COL4A6: variants seen among roughly 807,000 people sequenced by gnomAD.
COL4A6 encodes collagen alpha-6(IV) chain.
COL4A6 carries 59 observed loss-of-function variants against 126.7 expected under a neutral mutation model. The observed-to-expected ratio is 0.47, with a 90% confidence interval of 0.38 to 0.58. The LOEUF (loss-of-function observed/expected upper bound fraction) is 0.58. Ranked by LOEUF, COL4A6 falls within the 20% of genes least tolerant of loss-of-function variation. The pLI, the probability that COL4A6 is intolerant of heterozygous loss-of-function variation, is 0.00. For synonymous variants in COL4A6, 547 were observed against 496.6 expected, an observed-to-expected ratio of 1.10 and a Z score of -1.35; for missense variants, 1,285 against 1,337.3, an observed-to-expected ratio of 0.96 and a Z score of 0.61.
chrX:108,358,026 T>C, intron 2 of COL4A6, among the ~76,000 whole-genome samples: 2 of 111,813 alleles, frequency 1.8e-5, no homozygotes, highest in Middle Eastern at 4.6e-3. Flanking sequence ...AGGTTATTCT[T>C]GTATAATATC....
intron 3 of COL4A6, among the ~76,000 whole-genome samples, chrX:108,299,560 C>T (rs753559052): frequency 9.0e-6 from 1 of 111,705 alleles, no homozygotes; most frequent in East Asian, 2.8e-4. Context: ...ATCACTGACT[C>T]GTGTCAGCTC....
chrX:108,332,805 T>A (rs1448160388), intron 2 of COL4A6, among the ~76,000 whole-genome samples: 5 of 111,731 alleles, frequency 4.5e-5, no homozygotes, highest in Admixed American at 9.5e-5. Flanking sequence ...ACTCTGTCAA[T>A]TATTTCTTTT....
rs756604716 is a variant in COL4A6 at position 108,427,892 on chromosome X, A to G, written c.63+10050T>C. On this transcript the variant is annotated intron_variant, in intron 2 of 44. Coordinates refer to ENST00000334504, the MANE Select transcript of COL4A6 (RefSeq NM_033641.4). ...TTTGTGACCTTAGATAAATCAGTTA[A>G]TCTCTCTGGGATGAGAATATTTGTC... is the stretch of plus-strand genomic sequence containing the variant. 3.6e-5 allele frequency among the ~76,000 whole-genome samples: 4 copies of G among 112,201 alleles called. No homozygotes were observed. The Admixed American group carries it at 3.8e-4, about 11-fold the overall frequency.
chrX:108,432,143 G>C (rs1321656669), intron 2 of COL4A6, among the ~76,000 whole-genome samples: 1 of 112,136 alleles, frequency 8.9e-6, no homozygotes, highest in Non-Finnish European at 1.9e-5. Flanking sequence ...CAGTTATAAA[G>C]CTGGATGCAC....
At chrX:108,373,520 C>A (rs1925036298) in intron 2 of COL4A6, among the ~76,000 whole-genome samples, 1 of 111,517 alleles carries the variant, frequency 9.0e-6, no homozygotes, top group African/African-American at 3.3e-5. Flanking sequence ...GTGAAGTTTG[C>A]ATCAGGACTA....
chrX:108,161,048 C>T (rs192771085), intron 42 of COL4A6, among the ~76,000 whole-genome samples: 2 of 111,987 alleles, frequency 1.8e-5, no homozygotes, highest in African/African-American at 6.5e-5. Context: ...GCTGCTGAAT[C>T]AGAGTCATCG....
intron 13 of COL4A6, among the ~76,000 whole-genome samples, chrX:108,201,952 T>A (rs1375562224): frequency 1.8e-5 from 2 of 112,039 alleles, no homozygotes. Context: ...AAGATCTGGT[T>A]CCTACTTCTC....
At chrX:108,347,015 A>G (rs1488030935) in intron 2 of COL4A6, among the ~76,000 whole-genome samples, 1 of 112,281 alleles carries the variant, frequency 8.9e-6, no homozygotes, top group African/African-American at 3.2e-5. Flanking sequence ...TTGTATGGTT[A>G]TCATATACTT....
At chrX:108,309,854 G>A (rs185410132) in intron 3 of COL4A6, among the ~76,000 whole-genome samples, 399 of 88,620 alleles carry the variant, frequency 4.5e-3, no homozygotes, top group African/African-American at 0.016. Flanking sequence ...ACACACAGAT[G>A]GATCATCCCT....
At position 108,167,993 on chromosome X, in the gene COL4A6, C is replaced by CT. The variant is rs750290315; in HGVS notation, c.3691+1501dup. Among the ~76,000 whole-genome samples the CT allele has an allele frequency of 1.0e-3, 116 of 111,541 alleles. 5 individuals carry two copies. The East Asian group carries it at 0.032, about 30-fold the overall frequency. On this transcript the variant is annotated intron_variant, in intron 37 of 44. Transcript: ENST00000334504. ...TTCTTCAGTTTGACCATGTATATCT[C>CT]TAAACAATGTATTGGTTGGTTTCGC...
intron 2 of COL4A6, among the ~76,000 whole-genome samples, chrX:108,338,381 G>T (rs1239326670): frequency 8.9e-6 from 1 of 112,073 alleles, no homozygotes; most frequent in East Asian, 2.8e-4. Flanking sequence ...ATGGAAAAAA[G>T]TAGAGAGGTC....
At chrX:108,203,646 G>A (rs1472680789) in intron 12 of COL4A6, among the ~76,000 whole-genome samples, 2 of 112,495 alleles carry the variant, frequency 1.8e-5, no homozygotes, top group Non-Finnish European at 3.8e-5. Context: ...AAGCTTAAAG[G>A]AACCCTGGCA....
chrX:108,223,053 A>G (rs2036062016), intron 3 of COL4A6, among the ~76,000 whole-genome samples: 1 of 112,097 alleles, frequency 8.9e-6, no homozygotes, highest in South Asian at 3.7e-4. Flanking sequence ...ATGCAGCTAT[A>G]AGAAAAATGA....
At chrX:108,404,067 C>G (rs991162095) in intron 2 of COL4A6, among the ~76,000 whole-genome samples, 2 of 111,154 alleles carry the variant, frequency 1.8e-5, no homozygotes, top group Admixed American at 1.9e-4. Context: ...CTGCTATAGG[C>G]TTTTCCCCTC....
chrX:108,196,728 C>T (rs2035231405), intron 13 of COL4A6, 149 bp from the exon 14 acceptor site: 2 of 460,942 alleles, frequency 4.3e-6, no homozygotes, highest in Admixed American at 7.7e-5. Context: ...CTGAGAAGCA[C>T]ATAGGGTCTG....
At chrX:108,175,312 C>T in intron 29 of COL4A6, 97 bp from the exon 30 acceptor site, 1 of 993,609 alleles carries the variant, frequency 1.0e-6, no homozygotes, top group South Asian at 2.9e-5. Flanking sequence ...CACCACAGCC[C>T]TCTTTTGGGG....
intron 2 of COL4A6, among the ~76,000 whole-genome samples, chrX:108,389,230 G>A (rs927592056): frequency 3.6e-5 from 4 of 111,525 alleles, no homozygotes; most frequent in Admixed American, 1.9e-4. Flanking sequence ...TGTCTATTAG[G>A]TCCACTTGAC....
intron 13 of COL4A6, among the ~76,000 whole-genome samples, chrX:108,197,626 A>G (rs913486429): frequency 3.6e-5 from 4 of 111,269 alleles, no homozygotes; most frequent in Non-Finnish European, 7.5e-5. Context: ...TTACATACAT[A>G]CTCAGTGCAC....
At chrX:108,427,840 T>C (rs1369291850) in intron 2 of COL4A6, among the ~76,000 whole-genome samples, 2 of 111,680 alleles carry the variant, frequency 1.8e-5, no homozygotes, top group African/African-American at 3.3e-5. Context: ...CACAGTAGAG[T>C]GGGCTTTAAC....
Sources: gnomAD v4.1 joint callset for allele counts (sites outside exome capture counted in the v4.1 genomes callset) on GRCh38, gnomAD v4.1.1 for gene constraint, MANE v1.5 for transcripts, NCBI Gene and HGNC (gene_info 2026-07-23, HGNC 2026-07-21) for gene names.